CACNA1E: variants seen among roughly 807,000 people sequenced by gnomAD.
CACNA1E encodes calcium voltage-gated channel subunit alpha1 E, also known as voltage-dependent R-type calcium channel subunit alpha-1E.
Under a neutral mutation model 259.2 loss-of-function variants are expected in CACNA1E, and 40 were observed. That is an observed-to-expected ratio of 0.15 (90% CI 0.12 to 0.20). The LOEUF (loss-of-function observed/expected upper bound fraction) is 0.20, where lower values mean the gene tolerates loss of function less well. CACNA1E is among the 10% of genes least tolerant of loss of function. The pLI, the probability that CACNA1E is intolerant of heterozygous loss-of-function variation, is 1.00. For missense variants in CACNA1E, 1,874 were observed against 3,040.1 expected, an observed-to-expected ratio of 0.62 and a Z score of 9.02; for synonymous variants, 1,104 against 1,138.5, an observed-to-expected ratio of 0.97 and a Z score of 0.61.
intron 6 of CACNA1E, among the ~76,000 whole-genome samples, chr1:181,612,978 C>T (rs1374151609): frequency 2.5e-5 from 3 of 118,390 alleles, no homozygotes; most frequent in Non-Finnish European, 6.2e-5. Context: ...TCCAATTGAC[C>T]TAGCACTATT....
At chr1:181,766,930 GCCAGAAAGAT>G (rs1358826507) in intron 35 of CACNA1E, among the ~76,000 whole-genome samples, 1 of 152,178 alleles carries the variant, frequency 6.6e-6, no homozygotes, top group African/African-American at 2.4e-5. Context: ...ATTGTTCTTA[GCCAGAAAGAT>G]CCCCCAGGAG....
chr1:181,386,210 A>C (rs1023804323), intron 1 of CACNA1E, among the ~76,000 whole-genome samples: 6 of 152,346 alleles, frequency 3.9e-5, no homozygotes, highest in African/African-American at 1.2e-4. Flanking sequence ...AATGCAAAGC[A>C]AGAGACCTCT....
intron 1 of CACNA1E, among the ~76,000 whole-genome samples, chr1:181,353,604 G>A (rs1186270371): frequency 6.6e-6 from 1 of 152,172 alleles, no homozygotes; most frequent in Non-Finnish European, 1.5e-5. Context: ...ATGGGGGTGG[G>A]AAGAGATGTC....
Position 181,796,874 on chromosome 1 carries a change from A to G in CACNA1E, c.6399+16A>G. On this transcript the variant is annotated intron_variant, in intron 47 of 47. Transcript: ENST00000367573. ...CAACAGACAGGTGAGCGCAGAGAGGAAGCCAGTCTACAGCAGAAGGACAGG... is the reference window on the plus strand; with the variant it reads ...CAACAGACAGGTGAGCGCAGAGAGGGAGCCAGTCTACAGCAGAAGGACAGG... The G allele has an allele frequency of 1.3e-6, 2 of 1,562,234 alleles. No homozygotes were observed. Among genetic ancestry groups the G allele is most frequent in the Non-Finnish European group, 8.7e-7 (1 of 1,149,760 alleles).
Position 181,797,303 on chromosome 1 carries a change from A to G in CACNA1E, c.6399+445A>G, listed in dbSNP as rs192554438. On this transcript the variant is annotated intron_variant, in intron 47 of 47. Transcript: ENST00000367573. ...AGCTTGCAGCCGTCCCAGCAAGATC[A>G]TGCCTTTTGCTGAACCACCAGCTTG... is the stretch of plus-strand genomic sequence containing the variant. Among the ~76,000 whole-genome samples the G allele has an allele frequency of 1.5e-3, 232 of 152,326 alleles. 1 individual carries two copies. Among genetic ancestry groups the G allele is most frequent in the African/African-American group, 5.4e-3 (223 of 41,566 alleles).
At chr1:181,497,598 C>T (rs888300640) in intron 1 of CACNA1E, among the ~76,000 whole-genome samples, 2 of 152,134 alleles carry the variant, frequency 1.3e-5, no homozygotes, top group East Asian at 3.8e-4. Context: ...AATCCAACCC[C>T]GGGTGAAGTG....
At chr1:181,474,443 T>C (rs1184581266) in intron 2 of CACNA1E, among the ~76,000 whole-genome samples, 14 of 152,252 alleles carry the variant, frequency 9.2e-5, no homozygotes, top group Non-Finnish European at 5.9e-5. Flanking sequence ...CCTGTAATTC[T>C]TCACATTTGA....
chr1:181,672,129 C>T (rs1162996807), intron 7 of CACNA1E, among the ~76,000 whole-genome samples: 1 of 152,124 alleles, frequency 6.6e-6, no homozygotes, highest in Non-Finnish European at 1.5e-5. Context: ...CAAACTAACG[C>T]AGGAAGAGAA....
chr1:181,523,465 A>G (rs1667135116), intron 3 of CACNA1E, among the ~76,000 whole-genome samples: 1 of 152,192 alleles, frequency 6.6e-6, no homozygotes, highest in African/African-American at 2.4e-5. Context: ...TAGCATAGTG[A>G]TTAAGAATTT....
At chr1:181,448,392 C>T (rs933112929) in intron 2 of CACNA1E, among the ~76,000 whole-genome samples, 6 of 152,216 alleles carry the variant, frequency 3.9e-5, no homozygotes, top group African/African-American at 1.4e-4. Context: ...ACTAACTTTC[C>T]TGAAGTCCAA....
chr1:181,370,830 G>A (rs901721718), intron 1 of CACNA1E, among the ~76,000 whole-genome samples: 1 of 152,126 alleles, frequency 6.6e-6, no homozygotes, highest in Non-Finnish European at 1.5e-5. Context: ...TCTGCTCTAA[G>A]TTCTTTGAGA....
chr1:181,550,772 G>A (rs1185225018), intron 3 of CACNA1E, among the ~76,000 whole-genome samples: 14 of 151,400 alleles, frequency 9.2e-5, no homozygotes, highest in Non-Finnish European at 1.9e-4. Flanking sequence ...TGATTGTTCC[G>A]TGTCTCAGAA....
At chr1:181,498,296 T>C (rs1220007882) in intron 1 of CACNA1E, among the ~76,000 whole-genome samples, 1 of 152,204 alleles carries the variant, frequency 6.6e-6, no homozygotes, top group Non-Finnish European at 1.5e-5. Context: ...AGTAGGTTTG[T>C]GGAAAAGGGC....
At chr1:181,718,326 C>A (rs185192678) in intron 12 of CACNA1E, among the ~76,000 whole-genome samples, 159 bp downstream of exon 12, 1 of 152,234 alleles carries the variant, frequency 6.6e-6, no homozygotes, top group East Asian at 1.9e-4. Context: ...GCGAGTGAAT[C>A]CTTCCCATGC....
Position 181,641,702 on chromosome 1 carries a change from T to TG in CACNA1E, c.952-9635dup, listed in dbSNP as rs1558217462. Among the ~76,000 whole-genome samples the TG allele has an allele frequency of 1.5e-3, 169 of 112,596 alleles. 4 individuals are homozygous for TG. The East Asian group carries it at 0.038, about 26-fold the overall frequency. The allele number at this position is 112,596 out of a possible 152,430, so 73.9% of individuals were successfully genotyped here. On this transcript the variant is annotated intron_variant, in intron 6 of 47. Transcript: ENST00000367573. ...AGATCATGAGGCAACACTAATTTTT[T>TG]GTTTTTTTTTTTTTTTTTTTTTTTT...
At chr1:181,415,318 T>G (rs577930907) in intron 2 of CACNA1E, among the ~76,000 whole-genome samples, 51 of 152,322 alleles carry the variant, frequency 3.3e-4, no homozygotes, top group African/African-American at 1.2e-3. Flanking sequence ...GATTGGAGGA[T>G]GTCAAGATCT....
chr1:181,509,959 A>T (rs1666026096), intron 1 of CACNA1E, among the ~76,000 whole-genome samples: 4 of 152,200 alleles, frequency 2.6e-5, no homozygotes, highest in Admixed American at 2.6e-4. Context: ...TTCTTCTGTT[A>T]CTCAGTGGTG....
chr1:181,686,545 C>T (rs1650597945), intron 7 of CACNA1E, among the ~76,000 whole-genome samples: 1 of 152,078 alleles, frequency 6.6e-6, no homozygotes. Context: ...CAGCAGCCTC[C>T]CAAAGTGCTG....
intron 1 of CACNA1E, among the ~76,000 whole-genome samples, chr1:181,364,373 G>C (rs1386078545): frequency 6.6e-6 from 1 of 152,152 alleles, no homozygotes; most frequent in Non-Finnish European, 1.5e-5. Context: ...CTCTGTGTGG[G>C]CAGGATCTCT....
Sources: gnomAD v4.1 joint callset for allele counts (sites outside exome capture counted in the v4.1 genomes callset) on GRCh38, gnomAD v4.1.1 for gene constraint, MANE v1.5 for transcripts, NCBI Gene and HGNC (gene_info 2026-07-23, HGNC 2026-07-21) for gene names.